The following CFAP20DC variants were observed in gnomAD, a reference collection of about 807,000 sequenced individuals.
CFAP20DC encodes the protein CFAP20 domain containing.
A neutral mutation model predicts 101.7 loss-of-function variants in CFAP20DC; 84 were observed. That is an observed-to-expected ratio of 0.83 (90% CI 0.69 to 0.99). CFAP20DC has a LOEUF of 0.99. Among genes scored for constraint, CFAP20DC ranks in the 50% least tolerant of loss-of-function variants. The probability of loss-of-function intolerance (pLI) is 0.00; values close to 1 mark genes in which losing one functional copy is unlikely to be tolerated. For missense variants in CFAP20DC, 1,007 were observed against 970.3 expected, an observed-to-expected ratio of 1.04 and a Z score of -0.50; for synonymous variants, 359 against 351.2, an observed-to-expected ratio of 1.02 and a Z score of -0.25.
intron 7 of CFAP20DC, among the ~76,000 whole-genome samples, chr3:58,871,025 ACT>A (rs1266429786): frequency 6.6e-6 from 1 of 152,002 alleles, no homozygotes; most frequent in Non-Finnish European, 1.5e-5. Context: ...TTAACTGAGT[ACT>A]CTCTCAGGCA....
intron 15 of CFAP20DC, among the ~76,000 whole-genome samples, chr3:58,755,446 G>C (rs2068873761): frequency 6.6e-6 from 1 of 152,140 alleles, no homozygotes; most frequent in Admixed American, 6.6e-5. Context: ...TACTCAATAA[G>C]GGTGATGAAG....
chr3:58,718,525 C>T (rs1302562031), intron 3 of CFAP20DC, among the ~76,000 whole-genome samples: 2 of 152,200 alleles, frequency 1.3e-5, no homozygotes, highest in Non-Finnish European at 2.9e-5. Flanking sequence ...GCAGATCCAC[C>T]TGAGAGCCAA....
intron 4 of CFAP20DC, among the ~76,000 whole-genome samples, chr3:59,021,669 T>C (rs991185813): frequency 6.6e-6 from 1 of 152,018 alleles, no homozygotes; most frequent in African/African-American, 2.4e-5. Flanking sequence ...AATGATGAGA[T>C]AGAGTGATGT....
In CFAP20DC at chr3:58,913,710, T is replaced by C. The variant is rs368323417; in HGVS notation, c.548A>G (p.Asp183Gly). The C allele has an allele frequency of 6.2e-7, 1 of 1,613,486 alleles. No homozygotes were observed. The highest frequency in any genetic ancestry group is 8.5e-7 in the Non-Finnish European group (1 of 1,179,704). Residue 183 changes from aspartate to glycine, a missense_variant and splice_region_variant, in exon 6 of 17, where the codon GAT becomes GGT. Asp to Gly is a moderately conservative substitution (Grantham distance 94). Transcript: ENST00000482387. The surrounding 1 kb of genome is among the most constrained non-coding windows in gnomAD (Gnocchi z 4.4). ...TCTTGATAGCAACCTGAACATACCA[T>C]CCTTATCAGCAGTGTCTTGTGGCTT... is the stretch of plus-strand genomic sequence containing the variant. ...KSKPQDTADK[D>G]AVYGVPFSTD...
rs750886020 is a variant in CFAP20DC, at chr3:58,870,276, C to T, written c.749G>A (p.Arg250Gln). The change falls in exon 8 of 17, where the codon CGG (arginine) becomes CAG (glutamine). Residue 250 changes from arginine (R) to glutamine (Q), a missense_variant. Arg to Gln is a conservative substitution (Grantham distance 43, BLOSUM62 1). Coordinates refer to ENST00000482387, the MANE Select transcript of CFAP20DC (RefSeq NM_001394063.1). The stretch of plus-strand genomic sequence containing the variant: ...ACAAACATCTTGATTTTTACTGTTC[C>T]GTGTAATACTTGTTCCTCTGTTAAT... ...QFINRGTSIT[R>Q]NSKNQDVCHI... 20 of 1,613,782 alleles carry T rather than the reference C, an allele frequency of 1.2e-5. No individual in the cohort carries two copies. Among genetic ancestry groups the T allele is most frequent in the Admixed American group, 6.7e-5 (4 of 59,990 alleles).
At chr3:58,809,724 G>C (rs140893751) in intron 14 of CFAP20DC, among the ~76,000 whole-genome samples, 1 of 152,030 alleles carries the variant, frequency 6.6e-6, no homozygotes. Context: ...GAGGGAAATA[G>C]AAACACAAAA....
rs1316500072 is a variant in CFAP20DC at position 58,935,083 on chromosome 3, T to C, written c.393+2565A>G. ...AAGCAACTTCAGCAAAGTCTCAGGATACAAAATCAATGTGCAAAAATCACA... is the reference window on the plus strand; with the variant it reads ...AAGCAACTTCAGCAAAGTCTCAGGACACAAAATCAATGTGCAAAAATCACA... On this transcript the variant is annotated intron_variant, in intron 5 of 16. Coordinates refer to ENST00000482387, the MANE Select transcript of CFAP20DC (RefSeq NM_001394063.1). Among the ~76,000 whole-genome samples the C allele has an allele frequency of 1.2e-4, 19 of 152,314 alleles. No individual in the cohort carries two copies. In the East Asian group the frequency reaches 1.5e-3, roughly 12 times the overall value.
chr3:58,941,572 T>C (rs1220875988), intron 4 of CFAP20DC, among the ~76,000 whole-genome samples: 1 of 151,808 alleles, frequency 6.6e-6, no homozygotes, highest in African/African-American at 2.4e-5. Context: ...TTTCATTTCT[T>C]TTTCTTTTTT....
At chr3:58,891,145 G>A (rs1425362396) in intron 6 of CFAP20DC, among the ~76,000 whole-genome samples, 5 of 151,802 alleles carry the variant, frequency 3.3e-5, no homozygotes, top group African/African-American at 1.2e-4. Context: ...ATTGAGCACT[G>A]AGTGAACGAG....
intron 5 of CFAP20DC, among the ~76,000 whole-genome samples, chr3:58,933,395 T>C (rs1167807265): frequency 3.3e-5 from 5 of 151,658 alleles, no homozygotes; most frequent in Non-Finnish European, 7.4e-5. Context: ...TACCCAGGAA[T>C]TGAACTCAGC....
intron 4 of CFAP20DC, among the ~76,000 whole-genome samples, chr3:58,991,079 G>T (rs1173913638): frequency 6.6e-6 from 1 of 152,058 alleles, no homozygotes; most frequent in Non-Finnish European, 1.5e-5. Context: ...CCAATATAAA[G>T]AAAACATTAA....
chr3:58,984,495 T>C (rs1409110055), intron 4 of CFAP20DC, among the ~76,000 whole-genome samples: 1 of 152,158 alleles, frequency 6.6e-6, no homozygotes, highest in Non-Finnish European at 1.5e-5. Context: ...CCTAATGACA[T>C]GGAAAGAGAT....
At chr3:58,983,154 A>G (rs2092634159) in intron 4 of CFAP20DC, among the ~76,000 whole-genome samples, 1 of 152,192 alleles carries the variant, frequency 6.6e-6, no homozygotes, top group Admixed American at 6.5e-5. Flanking sequence ...AGTTTGTTTT[A>G]AGAAATTCTT....
intron 15 of CFAP20DC, among the ~76,000 whole-genome samples, chr3:58,763,175 C>A (rs557533453): frequency 7.9e-5 from 12 of 152,176 alleles, no homozygotes; most frequent in Admixed American, 6.5e-4. Context: ...TCAGGTACAC[C>A]AATCAGACGT....
chr3:58,848,022 TGGGGGGA>T (rs1383122058), intron 13 of CFAP20DC, among the ~76,000 whole-genome samples: 9 of 87,802 alleles, frequency 1.0e-4, no homozygotes, highest in East Asian at 3.8e-4. Context: ...TGTTGTGGGG[TGGGGGGA>T]GGGGGGAGGG....
rs2067904589 is a variant in CFAP20DC at position 58,742,037 on chromosome 3, TAC to T, written c.*421_*422del. Reference sequence around the variant, plus strand: ...TCTTACCATCATACTTTATTTTTAATACAAATGCCATAAAATAAAAGGTACCC... The same window carrying T: ...TCTTACCATCATACTTTATTTTTAATAAATGCCATAAAATAAAAGGTACCC... On this transcript the variant is annotated 3_prime_UTR_variant, in exon 17 of 17. Transcript: ENST00000482387. 1.0e-6 allele frequency: 1 copy of T among 956,064 alleles called. No homozygotes were observed. Among genetic ancestry groups the T allele is most frequent in the Non-Finnish European group, 1.2e-6 (1 of 802,876 alleles). 59.2% of individuals were successfully genotyped at this position (956,064 alleles called of 1,614,324 possible).
Position 58,864,041 on chromosome 3 carries a change from T to C in CFAP20DC, c.1259-149A>G. On this transcript the variant is annotated intron_variant, in intron 11 of 16. Transcript: ENST00000482387. The surrounding 1 kb of genome is among the most constrained non-coding windows in gnomAD (Gnocchi z 4.7). ...CACGCGATCTCGGCTCACTGCAACCTCCGCCTCCCAACCTTCAAGTGATTC... is the reference window on the plus strand; with the variant it reads ...CACGCGATCTCGGCTCACTGCAACCCCCGCCTCCCAACCTTCAAGTGATTC... 2.7e-6 allele frequency: 2 copies of C among 728,618 alleles called. No homozygotes were observed. Among genetic ancestry groups the C allele is most frequent in the Non-Finnish European group, 4.3e-6 (2 of 464,086 alleles). The allele number at this position is 728,618 out of a possible 1,614,324, so 45.1% of individuals were successfully genotyped here. A position where few individuals can be genotyped will look rare whatever the true frequency, so the allele number is the denominator to read the frequency against.
At chr3:58,934,022 T>C (rs1286723002) in intron 5 of CFAP20DC, among the ~76,000 whole-genome samples, 2 of 152,164 alleles carry the variant, frequency 1.3e-5, no homozygotes, top group Admixed American at 1.3e-4. Flanking sequence ...GATAGACCAC[T>C]AGCAAGACTA....
intron 6 of CFAP20DC, among the ~76,000 whole-genome samples, chr3:58,896,175 G>C (rs1029776329): frequency 6.6e-6 from 1 of 152,150 alleles, no homozygotes; most frequent in African/African-American, 2.4e-5. Context: ...TCTAGTTTTT[G>C]TGCATAGAGG....
Sources: gnomAD v4.1 joint callset for allele counts (sites outside exome capture counted in the v4.1 genomes callset) on GRCh38, gnomAD v4.1.1 for gene constraint, Gnocchi (gnomAD v3.1) non-coding constraint, MANE v1.5 for transcripts, NCBI Gene and HGNC (gene_info 2026-07-23, HGNC 2026-07-21) for gene names.